Variants in VTI1A observed in about 807,000 individuals in gnomAD.
VTI1A encodes the protein vesicle transport through interaction with t-SNAREs 1A, also known as vesicle transport through interaction with t-SNAREs homolog 1A.
Under a neutral mutation model 34.9 loss-of-function variants are expected in VTI1A, and 22 were observed. The ratio of observed to expected loss-of-function variants is 0.63; its 90% CI spans 0.45 to 0.90. VTI1A has a LOEUF of 0.90. Among genes scored for constraint, VTI1A ranks in the 40% least tolerant of loss-of-function variants. The pLI is 0.00. For missense variants in VTI1A, 268 were observed against 275.6 expected, an observed-to-expected ratio of 0.97 and a Z score of 0.20; for synonymous variants, 87 against 97.3, an observed-to-expected ratio of 0.89 and a Z score of 0.62.
rs149882997 is a variant in VTI1A, at chr10:112,787,274, G to T, written c.561-28016G>T. 2.7e-3 allele frequency among the ~76,000 whole-genome samples: 407 copies of T among 152,110 alleles called. 4 individuals carry two copies. The highest frequency in any genetic ancestry group is 9.3e-3 in the African/African-American group (388 of 41,520). ...CTTTCATTCCTGATATTGGTCATTT[G>T]TATCTTCTTCCCTTTTTTCTTGGTC... On this transcript the variant is annotated intron_variant, in intron 7 of 7. Coordinates refer to ENST00000393077, the MANE Select transcript of VTI1A (RefSeq NM_145206.4).
chr10:112,583,472 A>G (rs1466038965), intron 5 of VTI1A, among the ~76,000 whole-genome samples: 1 of 152,212 alleles, frequency 6.6e-6, no homozygotes, highest in South Asian at 2.1e-4. Flanking sequence ...TCCGTCTTTC[A>G]GTCCTATGTA....
intron 5 of VTI1A, among the ~76,000 whole-genome samples, chr10:112,547,054 C>G (rs567255466): frequency 3.3e-5 from 5 of 152,288 alleles, no homozygotes; most frequent in African/African-American, 9.6e-5. Context: ...GCCAAGCAGG[C>G]AGATCACTTG....
At chr10:112,540,177 G>A (rs753634536) in intron 5 of VTI1A, among the ~76,000 whole-genome samples, 1 of 152,142 alleles carries the variant, frequency 6.6e-6, no homozygotes, top group Non-Finnish European at 1.5e-5. Context: ...TCCCAAAGCT[G>A]AAAGAAGATC....
chr10:112,733,366 A>C (rs1294912908), intron 7 of VTI1A, among the ~76,000 whole-genome samples: 1 of 152,118 alleles, frequency 6.6e-6, no homozygotes, highest in African/African-American at 2.4e-5. Flanking sequence ...AGGCAACCCC[A>C]TGCCCATTAA....
At chr10:112,757,767 A>G (rs1379551373) in intron 7 of VTI1A, among the ~76,000 whole-genome samples, 1 of 152,222 alleles carries the variant, frequency 6.6e-6, no homozygotes, top group Non-Finnish European at 1.5e-5. Context: ...AAAAACTTTC[A>G]AAGAAAATAA....
At chr10:112,848,640 A>T in the VTI1A span, among the ~76,000 whole-genome samples, 1 of 152,228 alleles carries the variant, frequency 6.6e-6, no homozygotes, top group African/African-American at 2.4e-5. Context: ...CTTATTCAAG[A>T]AACAATTCAA....
intron 7 of VTI1A, among the ~76,000 whole-genome samples, chr10:112,697,399 C>CTTTTTT (rs57723783): frequency 7.9e-5 from 9 of 114,034 alleles, no homozygotes; most frequent in African/African-American, 1.2e-4. Context: ...CTTTTCTTTT[C>CTTTTTT]TTTTTTTTTT....
intron 3 of VTI1A, among the ~76,000 whole-genome samples, chr10:112,487,812 A>G (rs1208528095): frequency 6.6e-6 from 1 of 152,208 alleles, no homozygotes; most frequent in Non-Finnish European, 1.5e-5. Context: ...TTTTGTCCAA[A>G]TAGTTTAACT....
chr10:112,499,825 C>G (rs1329752187), intron 3 of VTI1A, among the ~76,000 whole-genome samples: 1 of 152,124 alleles, frequency 6.6e-6, no homozygotes, highest in Non-Finnish European at 1.5e-5. Flanking sequence ...TGGATTCCAC[C>G]TCTAGAATAT....
At chr10:112,480,520 G>A (rs899256979) in intron 3 of VTI1A, among the ~76,000 whole-genome samples, 2 of 152,134 alleles carry the variant, frequency 1.3e-5, no homozygotes, top group Non-Finnish European at 2.9e-5. Flanking sequence ...ATATGTGTGT[G>A]TGTGCATGTG....
At chr10:112,487,556 T>C (rs1482019593) in intron 3 of VTI1A, among the ~76,000 whole-genome samples, 1 of 152,222 alleles carries the variant, frequency 6.6e-6, no homozygotes, top group Non-Finnish European at 1.5e-5. Context: ...CAAGCATAAA[T>C]TGTCTTTATT....
intron 7 of VTI1A, among the ~76,000 whole-genome samples, chr10:112,678,731 C>G (rs1336672850): frequency 6.6e-6 from 1 of 152,208 alleles, no homozygotes. Flanking sequence ...AGTAACAGCT[C>G]ATGCACAGTG....
chr10:112,774,951 C>T (rs1402955223), intron 7 of VTI1A, among the ~76,000 whole-genome samples: 3 of 152,074 alleles, frequency 2.0e-5, no homozygotes, highest in South Asian at 2.1e-4. Flanking sequence ...CAGGCTAGAC[C>T]GAAGCAATGA....
At chr10:112,669,088 C>T in intron 7 of VTI1A, 90 bp downstream of exon 7, 2 of 1,452,956 alleles carry the variant, frequency 1.4e-6, no homozygotes, top group East Asian at 4.7e-5. Flanking sequence ...ATATTACATG[C>T]TTTTGAGCTT....
At chr10:112,849,407 T>G in the VTI1A span, among the ~76,000 whole-genome samples, 1 of 152,134 alleles carries the variant, frequency 6.6e-6, no homozygotes, top group African/African-American at 2.4e-5. Flanking sequence ...AGACGACCCC[T>G]CTAGGGAGCT....
intron 7 of VTI1A, among the ~76,000 whole-genome samples, chr10:112,782,450 C>G (rs143235032): frequency 1.3e-5 from 2 of 152,388 alleles, no homozygotes; most frequent in East Asian, 3.9e-4. Context: ...AAGATAGGAC[C>G]TTAGCGTTTC....
chr10:112,658,211 C>T (rs1488305688), intron 5 of VTI1A, among the ~76,000 whole-genome samples: 4 of 152,250 alleles, frequency 2.6e-5, no homozygotes, highest in Middle Eastern at 3.4e-3. Flanking sequence ...CCTTAGCCTC[C>T]CAAGAAGCTG....
intron 7 of VTI1A, among the ~76,000 whole-genome samples, chr10:112,793,391 T>C (rs909812663): frequency 1.3e-5 from 2 of 152,210 alleles, no homozygotes; most frequent in African/African-American, 4.8e-5. Context: ...TATACTGGCC[T>C]AATAAATGAA....
At chr10:112,508,142 T>C (rs1188567544) in intron 3 of VTI1A, among the ~76,000 whole-genome samples, 1 of 152,238 alleles carries the variant, frequency 6.6e-6, no homozygotes, top group Non-Finnish European at 1.5e-5. Flanking sequence ...CTTCTGCTTC[T>C]CTGAACAAAC....
Sources: gnomAD v4.1 joint callset for allele counts (sites outside exome capture counted in the v4.1 genomes callset) on GRCh38, gnomAD v4.1.1 for gene constraint, MANE v1.5 for transcripts, NCBI Gene and HGNC (gene_info 2026-07-23, HGNC 2026-07-21) for gene names.